DOCK10: variants seen among roughly 807,000 people sequenced by gnomAD.
DOCK10 encodes the protein dedicator of cytokinesis protein 10.
A neutral mutation model predicts 280.1 loss-of-function variants in DOCK10; 145 were observed. The observed-to-expected ratio is 0.52, with a 90% CI of 0.45 to 0.59. DOCK10 has a LOEUF of 0.59. DOCK10 is among the 20% of genes least tolerant of loss of function. The pLI is 0.00. For missense variants in DOCK10, 2,368 were observed against 2,651.7 expected (o/e 0.89, Z 2.35); for synonymous variants, 915 against 942.2 (o/e 0.97, Z 0.53).
Position 225,026,415 on chromosome 2 carries a change from G to A in DOCK10, c.123+15837C>T, listed in dbSNP as rs146000988. On this transcript the variant is annotated intron_variant, in intron 1 of 55. Coordinates refer to ENST00000258390, the MANE Select transcript of DOCK10 (RefSeq NM_014689.3). ...GAGAAGGCTGGAAGGAAACCACAAG[G>A]ACATTGCAAAACACTGTCTGGGGAA... 1.8e-3 allele frequency among the ~76,000 whole-genome samples: 269 copies of A among 152,278 alleles called. 1 individual carries two copies. Among genetic ancestry groups the A allele is most frequent in the Middle Eastern group, 6.8e-3 (2 of 294 alleles).
At position 224,837,823 on chromosome 2, in the gene DOCK10, G is replaced by A; in HGVS notation, c.2789C>T (p.Thr930Ile). 1 of 1,613,834 alleles carries A rather than the reference G, an allele frequency of 6.2e-7. No individual in the cohort carries two copies. Among genetic ancestry groups the A allele is most frequent in the Non-Finnish European group, 8.5e-7 (1 of 1,179,852 alleles). ...EITTTVTRVL[T>I]DIVAKCHEEQ... ...CTCATGGCACTTGGCCACAATGTCG[G>A]TCAGAACCCTGCAAAAGCAAAGCTG... is the stretch of plus-strand genomic sequence containing the variant. The change falls in exon 25 of 56, where the codon ACC (threonine) becomes ATC (isoleucine). Residue 930 changes from threonine to isoleucine, a missense_variant. By Grantham distance (89) the Thr-to-Ile change is moderately conservative. Coordinates refer to ENST00000258390, the MANE Select transcript of DOCK10 (RefSeq NM_014689.3).
chr2:224,935,872 C>T (rs1462112379), intron 1 of DOCK10, among the ~76,000 whole-genome samples: 4 of 152,002 alleles, frequency 2.6e-5, no homozygotes, highest in South Asian at 2.1e-4. Context: ...ATTCCTTTTC[C>T]GGGATTCTAT....
chr2:224,887,816 T>C (rs1699398649), intron 4 of DOCK10, among the ~76,000 whole-genome samples: 1 of 152,200 alleles, frequency 6.6e-6, no homozygotes, highest in African/African-American at 2.4e-5. Context: ...TCTACTGATT[T>C]AAGCAAAATC....
chr2:224,957,286 C>CCCCG (rs1553622537), intron 1 of DOCK10, among the ~76,000 whole-genome samples: 1 of 34,410 alleles, frequency 2.9e-5, no homozygotes, highest in Non-Finnish European at 7.7e-5. Flanking sequence ...TTACTTTCCG[C>CCCCG]CCCCCCCCGG....
intron 1 of DOCK10, among the ~76,000 whole-genome samples, chr2:224,990,257 A>G (rs1469872778): frequency 1.3e-5 from 2 of 152,198 alleles, no homozygotes; most frequent in African/African-American, 2.4e-5. Flanking sequence ...TCTATGTTTG[A>G]TTGAACTCTT....
At chr2:224,886,211 C>A (rs1699271502) in intron 5 of DOCK10, 26 bp from the exon 6 acceptor site, 1 of 1,613,336 alleles carries the variant, frequency 6.2e-7, no homozygotes, top group Non-Finnish European at 8.5e-7. Flanking sequence ...AGTAGCATGA[C>A]AGCCATCTTT....
chr2:224,812,535 T>A (rs1176173290), intron 31 of DOCK10, among the ~76,000 whole-genome samples: 2 of 151,982 alleles, frequency 1.3e-5, no homozygotes, highest in Admixed American at 6.6e-5. Flanking sequence ...TGAATAGGAG[T>A]GGTGAGGGAG....
At position 224,888,219 on chromosome 2, in the gene DOCK10, CTGTGTGTGTGTG is replaced by C. The variant is rs113299591; in HGVS notation, c.417-1700_417-1689del. ...GAATGTTTAATATATTAATATAGGC[CTGTGTGTGTGTG>C]TGTGTGTGTGTGTGTGTGTGTGTCT... is the stretch of plus-strand genomic sequence containing the variant. On this transcript the variant is annotated intron_variant, in intron 4 of 55. Transcript: ENST00000258390. Among the ~76,000 whole-genome samples, 26 of 140,176 alleles carry C rather than the reference CTGTGTGTGTGTG, an allele frequency of 1.9e-4. No individual in the cohort carries two copies. In the South Asian group the frequency reaches 2.8e-3, roughly 15 times the overall value. The allele number at this position is 140,176 out of a possible 152,430, so 92.0% of individuals were successfully genotyped here.
chr2:224,780,529 T>C (rs1475203748), intron 50 of DOCK10, among the ~76,000 whole-genome samples: 2 of 152,168 alleles, frequency 1.3e-5, no homozygotes. Flanking sequence ...CAAAGACACA[T>C]TTTCACTGTA....
intron 15 of DOCK10, among the ~76,000 whole-genome samples, chr2:224,855,975 A>T (rs1697108030): frequency 6.6e-6 from 1 of 152,236 alleles, no homozygotes; most frequent in Admixed American, 6.5e-5. Context: ...TACATCTCTA[A>T]GTGTATGGTG....
rs561355050 is a variant in DOCK10, at chr2:224,773,663, C to T, written c.6014-316G>A. On this transcript the variant is annotated intron_variant, in intron 52 of 55. Transcript: ENST00000258390. ...CTTTTTTTTTTTTTGAGATGAGTCTCGCTCTGTAGCCAGGCTGGAGTGCAG... is the reference window on the plus strand; with the variant it reads ...CTTTTTTTTTTTTTGAGATGAGTCTTGCTCTGTAGCCAGGCTGGAGTGCAG... Among the ~76,000 whole-genome samples, 27 of 149,142 alleles carry T rather than the reference C, an allele frequency of 1.8e-4. No homozygotes were observed. The South Asian group carries it at 5.5e-3, about 31-fold the overall frequency.
Position 224,864,900 on chromosome 2 carries a change from C to T in DOCK10, c.1445G>A (p.Gly482Glu), listed in dbSNP as rs773723738. The T allele has an allele frequency of 2.5e-6, 4 of 1,613,950 alleles. No individual in the cohort carries two copies. Among genetic ancestry groups the T allele is most frequent in the Non-Finnish European group, 3.4e-6 (4 of 1,179,878 alleles). The change falls in exon 12 of 56, where the codon GGA becomes GAA. Residue 482 changes from glycine (G) to glutamate (E), a missense_variant. By Grantham distance (98) the Gly-to-Glu change is moderately conservative (BLOSUM62 -2). Coordinates refer to ENST00000258390, the MANE Select transcript of DOCK10 (RefSeq NM_014689.3). ...AAATTTTAGCCATTCCTCTGGAAGTCCCTTGATGTGAGGTTCTTCTGATTG... is the reference window on the plus strand; with the variant it reads ...AAATTTTAGCCATTCCTCTGGAAGTTCCTTGATGTGAGGTTCTTCTGATTG... ...PRQSEEPHIK[G>E]LPEEWLKFPK... is the part of the protein sequence containing the mutation.
chr2:224,888,605 G>T (rs1267182854), intron 4 of DOCK10, among the ~76,000 whole-genome samples: 3 of 151,756 alleles, frequency 2.0e-5, no homozygotes, highest in Admixed American at 6.6e-5. Context: ...ATATGTGTTT[G>T]TATGTATATG....
At chr2:224,809,440 A>G (rs1245409409) in intron 31 of DOCK10, among the ~76,000 whole-genome samples, 1 of 152,188 alleles carries the variant, frequency 6.6e-6, no homozygotes, top group Non-Finnish European at 1.5e-5. Flanking sequence ...CTTGCAAACC[A>G]TATACCTGAC....
intron 1 of DOCK10, among the ~76,000 whole-genome samples, chr2:224,987,226 T>C (rs1157355773): frequency 6.6e-6 from 1 of 152,240 alleles, no homozygotes; most frequent in Non-Finnish European, 1.5e-5. Flanking sequence ...AGAGAATTTT[T>C]GAGCATCTCT....
chr2:224,804,000 ATGTG>A (rs71062961), intron 39 of DOCK10, 108 bp downstream of exon 39: 9,962 of 453,070 alleles, frequency 0.022, 15 homozygotes, highest in Admixed American at 0.028. Flanking sequence ...AAATAGAAAT[ATGTG>A]TGTGTGTGTG....
At chr2:224,854,616 C>T (rs1430331208) in intron 16 of DOCK10, among the ~76,000 whole-genome samples, 1 of 152,114 alleles carries the variant, frequency 6.6e-6, no homozygotes, top group Non-Finnish European at 1.5e-5. Flanking sequence ...TGACTTTCCT[C>T]CTCTGAAACC....
chr2:224,951,406 A>G (rs2126122621), intron 1 of DOCK10, among the ~76,000 whole-genome samples: 1 of 152,318 alleles, frequency 6.6e-6, no homozygotes, highest in South Asian at 2.1e-4. Flanking sequence ...ACAGTCTCAC[A>G]TATTCTTATA....
rs1264112795 is a variant in DOCK10, at chr2:224,804,853, A to G, written c.4119-12T>C. Reference sequence around the variant, plus strand: ...TTTGAAGACAAACGCTAGAAAGGAGAAAAAAACCACATTTTAATTATTCAT... The same window carrying G: ...TTTGAAGACAAACGCTAGAAAGGAGGAAAAAACCACATTTTAATTATTCAT... On this transcript the variant is annotated splice_polypyrimidine_tract_variant and intron_variant, in intron 37 of 55. Coordinates refer to ENST00000258390, the MANE Select transcript of DOCK10 (RefSeq NM_014689.3). 2.0e-6 allele frequency: 3 copies of G among 1,498,936 alleles called. No homozygotes were observed. Among genetic ancestry groups the G allele is most frequent in the East Asian group, 2.5e-5 (1 of 39,712 alleles). 92.9% of individuals were successfully genotyped at this position (1,498,936 alleles called of 1,614,324 possible). A position where few individuals can be genotyped will look rare whatever the true frequency, so the allele number is the denominator to read the frequency against.
Sources: allele counts gnomAD v4.1 joint callset (sites outside exome capture counted in the v4.1 genomes callset), GRCh38; gene constraint gnomAD v4.1.1; transcripts MANE v1.5; gene names NCBI Gene and HGNC (gene_info 2026-07-23, HGNC 2026-07-21).